The following MAN1A2 variants were observed in gnomAD, a reference collection of about 807,000 sequenced individuals.
MAN1A2 encodes the protein mannosidase alpha class 1A member 2, also known as mannosyl-oligosaccharide 1,2-alpha-mannosidase IB.
MAN1A2 carries 26 observed loss-of-function variants against 75.7 expected under a neutral mutation model. The ratio of observed to expected loss-of-function variants is 0.34; its 90% CI spans 0.25 to 0.48. The LOEUF (loss-of-function observed/expected upper bound fraction) is 0.48, where lower values mean the gene tolerates loss of function less well. MAN1A2 is among the 20% of genes least tolerant of loss of function. The probability of loss-of-function intolerance (pLI) is 0.99; values close to 1 mark genes in which losing one functional copy is unlikely to be tolerated. For missense variants in MAN1A2, 562 were observed against 775.5 expected, an observed-to-expected ratio of 0.72 and a Z score of 3.27; for synonymous variants, 247 against 264.6, an observed-to-expected ratio of 0.93 and a Z score of 0.65.
intron 5 of MAN1A2, among the ~76,000 whole-genome samples, chr1:117,432,733 A>G (rs1036016867): frequency 2.0e-5 from 3 of 152,046 alleles, no homozygotes; most frequent in Non-Finnish European, 4.4e-5. Context: ...TTGCAGCTCT[A>G]CTTCAGAGGC....
At position 117,527,724 on chromosome 1, in the gene MAN1A2, G is replaced by A. The variant is rs956544616; in HGVS notation, c.*4767G>A. 6.6e-6 allele frequency: 1 copy of A among 152,002 alleles called. No homozygotes were observed. The highest frequency in any genetic ancestry group is 1.5e-5 in the Non-Finnish European group (1 of 67,948). 9.4% of individuals were successfully genotyped at this position (152,002 alleles called of 1,614,324 possible). The stretch of plus-strand genomic sequence containing the variant: ...AATAATATACTCTCCAAGTTCTCCT[G>A]CTCATTGACCCTTGAACCAGGATTC... On this transcript the variant is annotated 3_prime_UTR_variant, in exon 13 of 13. Transcript: ENST00000356554.
intron 2 of MAN1A2, among the ~76,000 whole-genome samples, chr1:117,402,853 A>G (rs1265704445): frequency 6.6e-6 from 1 of 152,044 alleles, no homozygotes; most frequent in Non-Finnish European, 1.5e-5. Flanking sequence ...TATATCTCCA[A>G]TTTTTTAAGG....
intron 6 of MAN1A2, among the ~76,000 whole-genome samples, chr1:117,444,455 G>A (rs11590318): frequency 0.076 from 11,560 of 151,392 alleles, 493 homozygotes; most frequent in Middle Eastern, 0.16. Flanking sequence ...GGATCAAAGG[G>A]ATATGTATTT....
At chr1:117,442,101 G>A (rs986575142) in intron 5 of MAN1A2, 130 bp from the exon 6 acceptor site, 2 of 534,184 alleles carry the variant, frequency 3.7e-6, no homozygotes, top group African/African-American at 3.9e-5. Context: ...TGGTACCAAT[G>A]AGATGCTTTT....
At chr1:117,448,314 C>T (rs1397226988) in intron 6 of MAN1A2, among the ~76,000 whole-genome samples, 1 of 152,086 alleles carries the variant, frequency 6.6e-6, no homozygotes, top group Non-Finnish European at 1.5e-5. Flanking sequence ...TATCCGTAAT[C>T]CAATCCAAAA....
chr1:117,383,121 G>C (rs565690263), intron 1 of MAN1A2, among the ~76,000 whole-genome samples: 40 of 152,252 alleles, frequency 2.6e-4, no homozygotes, highest in Non-Finnish European at 4.6e-4. Flanking sequence ...TATCTTAGGG[G>C]CAAAGCTTTC....
At chr1:117,522,771 T>A (rs1651900563) in intron 12 of MAN1A2, 54 bp from the exon 13 acceptor site, 1 of 1,547,490 alleles carries the variant, frequency 6.5e-7, no homozygotes, top group Non-Finnish European at 8.9e-7. Context: ...TGAGCTCACT[T>A]CATGTTCTTG....
At chr1:117,413,648 C>A (rs796305794) in intron 3 of MAN1A2, among the ~76,000 whole-genome samples, 7 of 151,834 alleles carry the variant, frequency 4.6e-5, no homozygotes, top group African/African-American at 1.7e-4. Flanking sequence ...CTGGAATGAA[C>A]AATAAATTTT....
chr1:117,437,056 T>C (rs10923293), intron 5 of MAN1A2, among the ~76,000 whole-genome samples: 93,621 of 151,980 alleles, frequency 0.62, 29,146 homozygotes, highest in Non-Finnish European at 0.65. Context: ...TTCACTTGGT[T>C]CTGAGGAACA....
At chr1:117,491,261 CTTG>C (rs1404614163) in intron 8 of MAN1A2, among the ~76,000 whole-genome samples, 2 of 152,044 alleles carry the variant, frequency 1.3e-5, no homozygotes, top group Non-Finnish European at 1.5e-5. Flanking sequence ...CGGGCTGACT[CTTG>C]TTGGGGGCTA....
In MAN1A2 at chr1:117,523,051, C is replaced by T. The variant is rs907531079; in HGVS notation, c.*94C>T. 1 of 1,339,402 alleles carries T rather than the reference C, an allele frequency of 7.5e-7. No homozygotes were observed. Among genetic ancestry groups the T allele is most frequent in the African/African-American group, 1.4e-5 (1 of 69,176 alleles). The allele number at this position is 1,339,402 out of a possible 1,614,324, so 83.0% of individuals were successfully genotyped here. ...AGGGGCGGCTTTTGAAAACCTGGAC[C>T]TCTATGTCAACATGACAGGGTGAAA... On this transcript the variant is annotated 3_prime_UTR_variant, in exon 13 of 13. Coordinates refer to ENST00000356554, the MANE Select transcript of MAN1A2 (RefSeq NM_006699.5).
intron 6 of MAN1A2, among the ~76,000 whole-genome samples, chr1:117,452,655 G>A (rs1277403863): frequency 1.3e-5 from 2 of 152,202 alleles, no homozygotes; most frequent in Admixed American, 1.3e-4. Context: ...AGCTGCAGAA[G>A]AGTTTGAGGC....
intron 9 of MAN1A2, 73 bp downstream of exon 9, chr1:117,493,335 A>G: frequency 2.3e-6 from 2 of 864,924 alleles, no homozygotes; most frequent in Admixed American, 2.0e-5. Context: ...CTAGATGAAT[A>G]TCTTATAACC....
At chr1:117,447,975 A>T (rs1222715016) in intron 6 of MAN1A2, among the ~76,000 whole-genome samples, 1 of 152,184 alleles carries the variant, frequency 6.6e-6, no homozygotes, top group Non-Finnish European at 1.5e-5. Context: ...CAGTGATTTA[A>T]TGGAAATAGC....
At chr1:117,406,178 A>G (rs975864449) in intron 3 of MAN1A2, among the ~76,000 whole-genome samples, 18 of 152,268 alleles carry the variant, frequency 1.2e-4, no homozygotes, top group South Asian at 2.1e-4. Flanking sequence ...GAGTTTGTTC[A>G]TCCTACTTTC....
At chr1:117,449,617 T>C (rs1649343447) in intron 6 of MAN1A2, among the ~76,000 whole-genome samples, 1 of 151,274 alleles carries the variant, frequency 6.6e-6, no homozygotes, top group African/African-American at 2.4e-5. Flanking sequence ...TGTCAAAAGC[T>C]GAGATAGGCC....
chr1:117,405,063 T>C (rs1411695830), intron 2 of MAN1A2, among the ~76,000 whole-genome samples: 3 of 152,062 alleles, frequency 2.0e-5, no homozygotes, highest in Non-Finnish European at 4.4e-5. Flanking sequence ...AAAAAATAAA[T>C]AAAATAAATT....
chr1:117,387,219 A>G (rs1021396425), intron 1 of MAN1A2, among the ~76,000 whole-genome samples: 2 of 149,244 alleles, frequency 1.3e-5, no homozygotes, highest in African/African-American at 2.5e-5. Context: ...GCTGTTGTAA[A>G]AAAAAAAAAA....
At chr1:117,476,698 T>C (rs754716503) in intron 8 of MAN1A2, among the ~76,000 whole-genome samples, 3 of 152,020 alleles carry the variant, frequency 2.0e-5, no homozygotes, top group Non-Finnish European at 4.4e-5. Flanking sequence ...GAGGCCTCTG[T>C]TGTGTTTCAT....
Sources: gnomAD v4.1 joint callset for allele counts (sites outside exome capture counted in the v4.1 genomes callset) on GRCh38, gnomAD v4.1.1 for gene constraint, MANE v1.5 for transcripts, NCBI Gene and HGNC (gene_info 2026-07-23, HGNC 2026-07-21) for gene names.